The following KIF16B variants were observed in gnomAD, a reference collection of about 807,000 sequenced individuals.
KIF16B encodes the protein kinesin-like protein KIF16B.
A neutral mutation model predicts 156.3 loss-of-function variants in KIF16B; 98 were observed. That is an observed-to-expected ratio of 0.63 (90% CI 0.53 to 0.74). The LOEUF is 0.74. Ranked by LOEUF, KIF16B falls within the 30% of genes least tolerant of loss-of-function variation. The probability of loss-of-function intolerance (pLI) is 0.00; values close to 1 mark genes in which losing one functional copy is unlikely to be tolerated. For synonymous variants in KIF16B, 564 were observed against 583.7 expected, an observed-to-expected ratio of 0.97 and a Z score of 0.49; for missense variants, 1,421 against 1,606.5, an observed-to-expected ratio of 0.88 and a Z score of 1.97.
At chr20:16,495,929 G>A (rs1025192651) in intron 11 of KIF16B, among the ~76,000 whole-genome samples, 1 of 152,114 alleles carries the variant, frequency 6.6e-6, no homozygotes, top group Non-Finnish European at 1.5e-5. Flanking sequence ...GGGCTCAGGC[G>A]ATCCTCCTGC....
At chr20:16,441,408 C>A (rs1186355371) in intron 12 of KIF16B, among the ~76,000 whole-genome samples, 1 of 152,158 alleles carries the variant, frequency 6.6e-6, no homozygotes, top group Non-Finnish European at 1.5e-5. Context: ...CTACTCAGGA[C>A]TACTGTGGCC....
chr20:16,407,791 A>T (rs897536508), intron 15 of KIF16B, among the ~76,000 whole-genome samples: 13 of 152,156 alleles, frequency 8.5e-5, no homozygotes, highest in African/African-American at 3.1e-4. Context: ...ACTCCAGTCT[A>T]TAGATGTATT....
At chr20:16,370,325 A>G (rs78008918) in intron 22 of KIF16B, among the ~76,000 whole-genome samples, 2,202 of 152,306 alleles carry the variant, frequency 0.014, 60 homozygotes, top group African/African-American at 0.051. Context: ...AATGCAGACC[A>G]AGGGAAAATA....
At chr20:16,307,480 C>T (rs1211785471) in intron 25 of KIF16B, among the ~76,000 whole-genome samples, 4 of 152,118 alleles carry the variant, frequency 2.6e-5, no homozygotes, top group African/African-American at 9.7e-5. Context: ...TTGAAGAGCA[C>T]AGCAGGGAAG....
intron 12 of KIF16B, among the ~76,000 whole-genome samples, chr20:16,483,137 A>C (rs2068025905): frequency 6.6e-6 from 1 of 152,162 alleles, no homozygotes; most frequent in Non-Finnish European, 1.5e-5. Flanking sequence ...GGAGATATGA[A>C]TCTGTAATTG....
At chr20:16,504,307 T>A (rs781708764) in intron 10 of KIF16B, 65 bp downstream of exon 10, 15 of 1,507,278 alleles carry the variant, frequency 1.0e-5, no homozygotes, top group African/African-American at 9.7e-5. Flanking sequence ...AATTGTCTCA[T>A]TAAGATCTAG....
intron 20 of KIF16B, among the ~76,000 whole-genome samples, chr20:16,373,919 G>T (rs1046894035): frequency 2.0e-5 from 3 of 152,188 alleles, no homozygotes; most frequent in African/African-American, 4.8e-5. Flanking sequence ...TCTAACCGCA[G>T]GTTCCAGAGG....
intron 15 of KIF16B, among the ~76,000 whole-genome samples, chr20:16,419,764 A>G (rs2066179329): frequency 6.6e-6 from 1 of 152,162 alleles, no homozygotes. Flanking sequence ...AATAATTAAA[A>G]TAAGAGAGAA....
intron 12 of KIF16B, among the ~76,000 whole-genome samples, chr20:16,491,308 T>C (rs2068283564): frequency 6.6e-6 from 1 of 152,090 alleles, no homozygotes; most frequent in Admixed American, 6.5e-5. Flanking sequence ...CTAGGACAGA[T>C]GATACCGACA....
intron 15 of KIF16B, among the ~76,000 whole-genome samples, chr20:16,419,599 T>A (rs927646086): frequency 6.6e-6 from 1 of 152,146 alleles, no homozygotes; most frequent in African/African-American, 2.4e-5. Context: ...ATTTCCCAGA[T>A]GCCAATTCTG....
chr20:16,345,832 G>A (rs2064223327), intron 23 of KIF16B, among the ~76,000 whole-genome samples: 2 of 152,232 alleles, frequency 1.3e-5, no homozygotes, highest in African/African-American at 4.8e-5. Flanking sequence ...GGAAAGGCTG[G>A]TGCTCTTGGG....
chr20:16,350,926 G>A (rs1052080567), intron 23 of KIF16B, among the ~76,000 whole-genome samples: 2 of 151,902 alleles, frequency 1.3e-5, no homozygotes, highest in Admixed American at 1.3e-4. Context: ...GACTGACAAG[G>A]GCCCTGGGAG....
intron 10 of KIF16B, among the ~76,000 whole-genome samples, chr20:16,499,847 A>G (rs929915002): frequency 1.3e-5 from 2 of 152,226 alleles, no homozygotes; most frequent in Non-Finnish European, 2.9e-5. Context: ...AAAAGAAATC[A>G]TTGGTAAAAG....
intron 1 of KIF16B, among the ~76,000 whole-genome samples, chr20:16,540,832 TTTATA>T (rs1219181529): frequency 2.0e-5 from 3 of 152,174 alleles, no homozygotes; most frequent in African/African-American, 4.8e-5. Flanking sequence ...AATAGTTAAT[TTTATA>T]TTATGACTGT....
At chr20:16,360,375 G>T (rs1240828845) in intron 22 of KIF16B, among the ~76,000 whole-genome samples, 1 of 152,022 alleles carries the variant, frequency 6.6e-6, no homozygotes, top group East Asian at 1.9e-4. Context: ...ATTATTTATG[G>T]GAGCTTTTAT....
intron 12 of KIF16B, among the ~76,000 whole-genome samples, chr20:16,491,883 G>A (rs1389811066): frequency 6.6e-6 from 1 of 152,156 alleles, no homozygotes; most frequent in African/African-American, 2.4e-5. Flanking sequence ...GAGAAAGAAG[G>A]GAACAAAGTC....
rs569539200 is a variant in KIF16B, at chr20:16,377,814, C to T, written c.3197+991G>A. Among the ~76,000 whole-genome samples the T allele has an allele frequency of 3.3e-5, 5 of 152,264 alleles. No individual in the cohort carries two copies. In the South Asian group the frequency reaches 1.0e-3, roughly 32 times the overall value. On this transcript the variant is annotated intron_variant, in intron 19 of 25. Coordinates refer to ENST00000354981, the MANE Select transcript of KIF16B (RefSeq NM_024704.5). Reference sequence around the variant, plus strand: ...TCCAGAAAAGGTGTCCTCAAATTCACATAATATGCATTTTGAGAACTTATG... The same window carrying T: ...TCCAGAAAAGGTGTCCTCAAATTCATATAATATGCATTTTGAGAACTTATG...
intron 1 of KIF16B, among the ~76,000 whole-genome samples, chr20:16,559,266 G>A (rs1309590898): frequency 6.6e-6 from 1 of 151,870 alleles, no homozygotes; most frequent in African/African-American, 2.4e-5. Context: ...TCCAATCAAG[G>A]TGTTAACAGC....
At chr20:16,488,620 G>C (rs1364985443) in intron 12 of KIF16B, among the ~76,000 whole-genome samples, 1 of 152,212 alleles carries the variant, frequency 6.6e-6, no homozygotes, top group Non-Finnish European at 1.5e-5. Context: ...ACACAGGGCA[G>C]GGGGATTGAG....
Sources: gnomAD v4.1 joint callset for allele counts (sites outside exome capture counted in the v4.1 genomes callset) on GRCh38, gnomAD v4.1.1 for gene constraint, MANE v1.5 for transcripts, NCBI Gene and HGNC (gene_info 2026-07-23, HGNC 2026-07-21) for gene names.